Variants in OSBPL10 observed in about 807,000 individuals in gnomAD.
OSBPL10 encodes the protein oxysterol binding protein like 10.
A neutral mutation model predicts 81.7 loss-of-function variants in OSBPL10; 49 were observed. The observed-to-expected ratio is 0.60, with a 90% CI of 0.48 to 0.76. The LOEUF (loss-of-function observed/expected upper bound fraction) is 0.76. OSBPL10 is among the 30% of genes least tolerant of loss of function. The pLI, the probability that OSBPL10 is intolerant of heterozygous loss-of-function variation, is 0.00. For synonymous variants in OSBPL10, 419 were observed against 383.6 expected, an observed-to-expected ratio of 1.09 and a Z score of -1.08; for missense variants, 923 against 987.8, an observed-to-expected ratio of 0.93 and a Z score of 0.88.
At chr3:31,688,076 G>A (rs950671304) in intron 7 of OSBPL10, among the ~76,000 whole-genome samples, 1 of 151,796 alleles carries the variant, frequency 6.6e-6, no homozygotes, top group Non-Finnish European at 1.5e-5. Context: ...GAGGGAGATC[G>A]TTGCAATGAA....
intron 1 of OSBPL10, among the ~76,000 whole-genome samples, chr3:31,974,638 C>T (rs375569579): frequency 6.6e-6 from 1 of 152,276 alleles, no homozygotes; most frequent in African/African-American, 2.4e-5. Flanking sequence ...GCCAGACACA[C>T]AGATCACATA....
In OSBPL10 at chr3:32,003,058, AAGG is replaced by A. The variant is rs1699167480; in HGVS notation, n.298+43430_298+43432del. 2.0e-5 allele frequency among the ~76,000 whole-genome samples: 3 copies of A among 152,312 alleles called. No individual in the cohort carries two copies. In the South Asian group the frequency reaches 6.2e-4, roughly 32 times the overall value. ...CAGAAGCTGGCCGAACGAAAGTGGG[AAGG>A]AGGAGTGTTACAGCACAGTGAGGAC... On this transcript the variant is annotated intron_variant and non_coding_transcript_variant, in intron 2 of 3. Coordinates refer to the OSBPL10 transcript ENST00000479173.
At chr3:31,776,297 A>G (rs1374600004) in intron 4 of OSBPL10, among the ~76,000 whole-genome samples, 1 of 152,208 alleles carries the variant, frequency 6.6e-6, no homozygotes, top group African/African-American at 2.4e-5. Flanking sequence ...GCTGTCATTA[A>G]AAAAGGAGAA....
chr3:31,729,644 C>T (rs919072595), intron 6 of OSBPL10, among the ~76,000 whole-genome samples: 3 of 152,008 alleles, frequency 2.0e-5, no homozygotes, highest in Non-Finnish European at 4.4e-5. Flanking sequence ...TGGTCTCAAA[C>T]TCCTGACCTC....
intron 3 of OSBPL10, among the ~76,000 whole-genome samples, chr3:31,837,333 ATATAT>A (rs1700380763): frequency 5.7e-5 from 1 of 17,478 alleles, no homozygotes; most frequent in African/African-American, 2.2e-4. Flanking sequence ...ATATATATAT[ATATAT>A]ATATATATAT....
intron 1 of OSBPL10, among the ~76,000 whole-genome samples, chr3:31,900,043 T>TC (rs1553638778): frequency 1.5e-4 from 23 of 150,634 alleles, no homozygotes; most frequent in Admixed American, 4.6e-4. Flanking sequence ...TTTTTTTTTT[T>TC]AAGACAGGGT....
chr3:31,824,505 G>A (rs1002870411), intron 4 of OSBPL10, among the ~76,000 whole-genome samples: 1 of 152,176 alleles, frequency 6.6e-6, no homozygotes, highest in African/African-American at 2.4e-5. Flanking sequence ...CTGACCGATG[G>A]TTGCTACAAG....
In OSBPL10 at chr3:31,763,287, T is replaced by C. The variant is rs1035006560; in HGVS notation, c.730-15167A>G. ...CTGCTTTACTGACTCACTTCAGAAGTCTTCTGATTAATCTACTGTCATTTC... is the reference window on the plus strand; with the variant it reads ...CTGCTTTACTGACTCACTTCAGAAGCCTTCTGATTAATCTACTGTCATTTC... On this transcript the variant is annotated intron_variant, in intron 4 of 11. Transcript: ENST00000396556. Among the ~76,000 whole-genome samples the C allele has an allele frequency of 3.9e-5, 6 of 152,270 alleles. 2 individuals carry two copies. Among genetic ancestry groups the C allele is most frequent in the Admixed American group, 1.3e-4 (2 of 15,302 alleles).
intron 4 of OSBPL10, among the ~76,000 whole-genome samples, chr3:31,814,662 C>G (rs1318821812): frequency 6.6e-6 from 1 of 152,152 alleles, no homozygotes; most frequent in Non-Finnish European, 1.5e-5. Flanking sequence ...CTGGAAGGAA[C>G]CAACTTTGCC....
intron 1 of OSBPL10, chr3:32,066,451 A>G (rs529583907): frequency 6.2e-4 from 95 of 152,348 alleles, no homozygotes; most frequent in African/African-American, 2.2e-3. Flanking sequence ...ACCGATCACC[A>G]TGGTCCCGTT....
chr3:31,773,832 C>A (rs1423226344), intron 4 of OSBPL10, among the ~76,000 whole-genome samples: 1 of 152,184 alleles, frequency 6.6e-6, no homozygotes, highest in Non-Finnish European at 1.5e-5. Context: ...GCTTTGTTTT[C>A]TCTCATGTAA....
intron 4 of OSBPL10, among the ~76,000 whole-genome samples, chr3:31,809,736 T>G (rs774858039): frequency 1.3e-5 from 2 of 152,186 alleles, no homozygotes; most frequent in African/African-American, 2.4e-5. Context: ...GAGAAAACCA[T>G]AGACCCAAGT....
intron 1 of OSBPL10, among the ~76,000 whole-genome samples, chr3:31,911,062 CCA>C (rs1441740555): frequency 3.9e-5 from 6 of 152,214 alleles, no homozygotes; most frequent in East Asian, 3.9e-4. Flanking sequence ...AATGCGACAC[CCA>C]CAGAGTACTC....
intron 6 of OSBPL10, among the ~76,000 whole-genome samples, chr3:31,721,857 C>T (rs567617179): frequency 1.3e-5 from 2 of 152,322 alleles, no homozygotes; most frequent in East Asian, 3.9e-4. Flanking sequence ...TATGATCTCA[C>T]ATAATGTTTA....
At position 31,931,118 on chromosome 3, in the gene OSBPL10, A is replaced by G. The variant is rs956201325; in HGVS notation, c.281+49781T>C. On this transcript the variant is annotated intron_variant, in intron 1 of 11. Coordinates refer to ENST00000396556, the MANE Select transcript of OSBPL10 (RefSeq NM_017784.5). ...CTCTGGGAGCATATAGAAGAAACCA[A>G]TAACACTGGTGATTATCTTTGGAGA... is the stretch of plus-strand genomic sequence containing the variant. Among the ~76,000 whole-genome samples, 4 of 152,048 alleles carry G rather than the reference A, an allele frequency of 2.6e-5. No individual in the cohort carries two copies. The East Asian group carries it at 5.8e-4, about 22-fold the overall frequency.
intron 1 of OSBPL10, among the ~76,000 whole-genome samples, chr3:31,884,360 C>T (rs1276740446): frequency 6.6e-6 from 1 of 152,162 alleles, no homozygotes; most frequent in Non-Finnish European, 1.5e-5. Flanking sequence ...CTTCTAAAGA[C>T]AGTTAAAATT....
In OSBPL10 at chr3:31,684,040, G is replaced by T; in HGVS notation, c.1320C>A (p.Asp440Glu). Residue 440 changes from aspartate (D) to glutamate (E), a missense_variant, in exon 8 of 12, where the codon GAC becomes GAA. Around this residue, in one of 3 missense-constraint regions of OSBPL10, gnomAD observed 387 missense variants for 436.3 expected, o/e 0.89. Transcript: ENST00000396556. ...EMYADFMAHP[D>E]LLLAITAGAT... is the part of the protein sequence containing the mutation. ...CCCCAGCGGTGATGGCCAGCAGTAG[G>T]TCTGGGTGCGCCATGAAATCTGCAT... 1 of 1,614,246 alleles carries T rather than the reference G, an allele frequency of 6.2e-7. No individual in the cohort carries two copies. The highest frequency in any genetic ancestry group is 8.5e-7 in the Non-Finnish European group (1 of 1,180,046).
At chr3:31,907,670 T>C (rs1218055891) in intron 1 of OSBPL10, among the ~76,000 whole-genome samples, 1 of 148,690 alleles carries the variant, frequency 6.7e-6, no homozygotes, top group African/African-American at 2.5e-5. Flanking sequence ...ATCTCTCCAT[T>C]GTCTCATAAC....
chr3:31,694,523 G>A (rs17028007), intron 7 of OSBPL10, among the ~76,000 whole-genome samples: 32,429 of 151,518 alleles, frequency 0.21, 4,656 homozygotes, highest in East Asian at 0.62. Context: ...TTTTTGACAC[G>A]TAGTCAATGC....
Sources: allele counts gnomAD v4.1 joint callset (sites outside exome capture counted in the v4.1 genomes callset), GRCh38; gene constraint gnomAD v4.1.1; regional missense constraint gnomAD v4.1.1; transcripts MANE v1.5; gene names NCBI Gene and HGNC (gene_info 2026-07-23, HGNC 2026-07-21).